Variants in DSCAML1 observed in about 807,000 individuals in gnomAD.
DSCAML1 encodes DS cell adhesion molecule like 1.
DSCAML1 carries 38 observed loss-of-function variants against 200.5 expected under a neutral mutation model. The observed-to-expected ratio is 0.19, with a 90% CI of 0.15 to 0.25. The LOEUF (loss-of-function observed/expected upper bound fraction) is 0.25, where lower values mean the gene tolerates loss of function less well. DSCAML1 is among the 10% of genes least tolerant of loss of function. The probability of loss-of-function intolerance (pLI) is 1.00; values close to 1 mark genes in which losing one functional copy is unlikely to be tolerated. For missense variants in DSCAML1, 2,223 were observed against 2,858.8 expected (o/e 0.78, Z 5.07); for synonymous variants, 1,215 against 1,165.0 (o/e 1.04, Z -0.87).
chr11:117,670,332 A>C (rs1657217932), intron 3 of DSCAML1, among the ~76,000 whole-genome samples: 1 of 151,878 alleles, frequency 6.6e-6, no homozygotes, highest in African/African-American at 2.4e-5. Flanking sequence ...CTCCCTGCCA[A>C]ATGAGTTATC....
chr11:117,664,092 G>A (rs896412473), intron 3 of DSCAML1, among the ~76,000 whole-genome samples: 12 of 152,346 alleles, frequency 7.9e-5, no homozygotes, highest in African/African-American at 2.4e-4. Context: ...GAGAGAGGGC[G>A]TAGTTCCAGG....
chr11:117,644,891 C>T (rs1181880288), intron 3 of DSCAML1, among the ~76,000 whole-genome samples: 1 of 152,252 alleles, frequency 6.6e-6, no homozygotes, highest in African/African-American at 2.4e-5. Context: ...TCCTCTGCAC[C>T]TCACCCACGC....
At chr11:117,603,460 C>T (rs1307874337) in intron 3 of DSCAML1, among the ~76,000 whole-genome samples, 2 of 152,196 alleles carry the variant, frequency 1.3e-5, no homozygotes, top group Non-Finnish European at 2.9e-5. Flanking sequence ...CTCTCTAGGC[C>T]TCAGCTTCTT....
intron 3 of DSCAML1, among the ~76,000 whole-genome samples, chr11:117,550,795 C>T (rs1165006360): frequency 6.6e-6 from 1 of 152,192 alleles, no homozygotes; most frequent in Non-Finnish European, 1.5e-5. Flanking sequence ...GATCACAAAA[C>T]TGTTTCCAAA....
chr11:117,680,586 G>T (rs112004415), intron 3 of DSCAML1, among the ~76,000 whole-genome samples: 1 of 152,220 alleles, frequency 6.6e-6, no homozygotes, highest in Non-Finnish European at 1.5e-5. Context: ...CCATGATAAG[G>T]CAGCCAGCAG....
intron 3 of DSCAML1, among the ~76,000 whole-genome samples, chr11:117,702,202 G>A (rs537231694): frequency 2.6e-5 from 4 of 152,206 alleles, no homozygotes; most frequent in East Asian, 1.9e-4. Context: ...ACAATTCAAC[G>A]GCCCACATTG....
At position 117,559,273 on chromosome 11, in the gene DSCAML1, G is replaced by A. The variant is rs1238613162; in HGVS notation, c.512-26751C>T. Among the ~76,000 whole-genome samples, 6 of 152,252 alleles carry A rather than the reference G, an allele frequency of 3.9e-5. No individual in the cohort carries two copies. The East Asian group carries it at 5.8e-4, about 15-fold the overall frequency. On this transcript the variant is annotated intron_variant, in intron 3 of 32. Coordinates refer to ENST00000651296, the MANE Select transcript of DSCAML1 (RefSeq NM_020693.4). ...GGACACTGAGGACTGAACTCCAGCC[G>A]GTCTTTCTGAGTCCCTTCCTGAGGG...
intron 3 of DSCAML1, among the ~76,000 whole-genome samples, chr11:117,557,520 C>T (rs2050581046): frequency 6.6e-6 from 1 of 152,232 alleles, no homozygotes; most frequent in Admixed American, 6.5e-5. Flanking sequence ...AGCCCCTCTT[C>T]CTGCCTTTCA....
At position 117,428,326 on chromosome 11, in the gene DSCAML1, C is replaced by T. The variant is rs143156713; in HGVS notation, c.*2G>A. 1.5e-4 allele frequency: 217 copies of T among 1,487,148 alleles called. No individual in the cohort carries two copies. Among genetic ancestry groups the T allele is most frequent in the Non-Finnish European group, 1.9e-4 (202 of 1,077,910 alleles). 92.1% of individuals were successfully genotyped at this position (1,487,148 alleles called of 1,614,324 possible). A position where few individuals can be genotyped will look rare whatever the true frequency, so the allele number is the denominator to read the frequency against. On this transcript the variant is annotated 3_prime_UTR_variant, in exon 33 of 33. Transcript: ENST00000651296. ...CAGGCGTGGCTGCTCTTCCTGCGGG[C>T]CCTACACCAGGGTGTAGGATTTGGA...
At chr11:117,433,384 C>A in intron 28 of DSCAML1, 57 bp downstream of exon 28, 2 of 1,601,396 alleles carry the variant, frequency 1.2e-6, no homozygotes, top group Non-Finnish European at 1.7e-6. Flanking sequence ...GCTCCTGGGT[C>A]CTCCTCAGGA....
chr11:117,651,937 T>C (rs2052641913), intron 3 of DSCAML1, among the ~76,000 whole-genome samples: 1 of 152,136 alleles, frequency 6.6e-6, no homozygotes, highest in African/African-American at 2.4e-5. Flanking sequence ...TCAACTATTC[T>C]CTCTGATTAC....
chr11:117,761,131 A>G (rs2054793863), intron 3 of DSCAML1, among the ~76,000 whole-genome samples: 1 of 152,158 alleles, frequency 6.6e-6, no homozygotes, highest in South Asian at 2.1e-4. Context: ...CCCACCGAGG[A>G]GTACTCACAT....
intron 3 of DSCAML1, among the ~76,000 whole-genome samples, chr11:117,769,972 GC>G (rs1427831921): frequency 6.6e-6 from 1 of 152,028 alleles, no homozygotes; most frequent in Non-Finnish European, 1.5e-5. Context: ...TAACCCTCCA[GC>G]CATGTTCCCA....
chr11:117,740,821 A>G (rs753443598), intron 3 of DSCAML1, among the ~76,000 whole-genome samples: 2 of 152,220 alleles, frequency 1.3e-5, no homozygotes, highest in Non-Finnish European at 2.9e-5. Context: ...GTTGCTGCAC[A>G]CTCGCATCTC....
At chr11:117,573,170 T>A (rs1349188481) in intron 3 of DSCAML1, among the ~76,000 whole-genome samples, 1 of 152,138 alleles carries the variant, frequency 6.6e-6, no homozygotes, top group Non-Finnish European at 1.5e-5. Flanking sequence ...CAGAAGGTGA[T>A]CTGAACACTC....
intron 1 of DSCAML1, among the ~76,000 whole-genome samples, chr11:117,781,532 G>C (rs993398425): frequency 6.6e-6 from 1 of 152,158 alleles, no homozygotes; most frequent in African/African-American, 2.4e-5. Flanking sequence ...AATGGAAGAC[G>C]GAAGAGTGCA....
At chr11:117,806,280 G>A (rs1171006591) in intron 1 of DSCAML1, among the ~76,000 whole-genome samples, 1 of 152,162 alleles carries the variant, frequency 6.6e-6, no homozygotes, top group Non-Finnish European at 1.5e-5. Flanking sequence ...TGAGCAATGG[G>A]AAGGATATGC....
chr11:117,637,155 C>T (rs1178245740), intron 3 of DSCAML1, among the ~76,000 whole-genome samples: 4 of 152,076 alleles, frequency 2.6e-5, no homozygotes, highest in East Asian at 1.9e-4. Context: ...GGAGCCTTCC[C>T]GACACCCAAG....
chr11:117,543,023 T>A (rs529334151), intron 3 of DSCAML1, among the ~76,000 whole-genome samples: 1 of 152,198 alleles, frequency 6.6e-6, no homozygotes, highest in Admixed American at 6.5e-5. Context: ...ATTCTTCCGA[T>A]GGAGGCTTCC....
Sources: gnomAD v4.1 joint callset for allele counts (sites outside exome capture counted in the v4.1 genomes callset) on GRCh38, gnomAD v4.1.1 for gene constraint, MANE v1.5 for transcripts, NCBI Gene and HGNC (gene_info 2026-07-23, HGNC 2026-07-21) for gene names.